Variants in KIAA2012 observed in about 807,000 individuals in gnomAD.
KIAA2012 encodes uncharacterized protein KIAA2012.
KIAA2012 carries 125 observed loss-of-function variants against 150.6 expected under a neutral mutation model. The observed-to-expected ratio is 0.83, with a 90% CI of 0.72 to 0.96. KIAA2012 has a LOEUF of 0.96. Among genes scored for constraint, KIAA2012 ranks in the 40% least tolerant of loss-of-function variants. KIAA2012 has a pLI of 0.00. For missense variants in KIAA2012, 1,219 were observed against 1,354.9 expected, an observed-to-expected ratio of 0.90 and a Z score of 1.57; for synonymous variants, 462 against 504.7, an observed-to-expected ratio of 0.92 and a Z score of 1.13.
chr2:202,130,091 A>C (rs913585487), intron 12 of KIAA2012, among the ~76,000 whole-genome samples: 3 of 152,138 alleles, frequency 2.0e-5, no homozygotes, highest in African/African-American at 7.2e-5. Context: ...AATGGCCCTA[A>C]AAAAAAGCTG....
intron 5 of KIAA2012, among the ~76,000 whole-genome samples, chr2:202,098,788 C>CTG (rs1689960690): frequency 1.9e-5 from 1 of 52,554 alleles, no homozygotes; most frequent in Admixed American, 2.7e-4. Flanking sequence ...AACTCTAAGG[C>CTG]CGTGTGTGTG....
At chr2:202,179,543 A>G (rs925211143) in intron 15 of KIAA2012, 4 of 689,934 alleles carry the variant, frequency 5.8e-6, no homozygotes, top group East Asian at 6.0e-5. Context: ...CCCAGATAAC[A>G]AAGTGCTTGT....
intron 2 of KIAA2012, among the ~76,000 whole-genome samples, chr2:202,082,064 A>G (rs1381786583): frequency 6.6e-6 from 1 of 152,130 alleles, no homozygotes; most frequent in Non-Finnish European, 1.5e-5. Context: ...GCATTTACCT[A>G]GTGATAAATG....
At chr2:202,121,091 C>A (rs1426821838) in intron 11 of KIAA2012, among the ~76,000 whole-genome samples, 1 of 152,170 alleles carries the variant, frequency 6.6e-6, no homozygotes, top group Non-Finnish European at 1.5e-5. Flanking sequence ...CCCTTCCCCT[C>A]CTCGTTCTCC....
intron 13 of KIAA2012, among the ~76,000 whole-genome samples, chr2:202,153,307 A>G (rs1691462661): frequency 6.6e-6 from 1 of 152,088 alleles, no homozygotes; most frequent in Non-Finnish European, 1.5e-5. Flanking sequence ...ATTGTGGTCA[A>G]TGGTGGGGAG....
At chr2:202,119,085 G>A (rs547419020) in intron 11 of KIAA2012, among the ~76,000 whole-genome samples, 1 of 152,214 alleles carries the variant, frequency 6.6e-6, no homozygotes, top group African/African-American at 2.4e-5. Context: ...CTGAGGTCAG[G>A]AGTTGTTGAA....
intron 4 of KIAA2012, among the ~76,000 whole-genome samples, chr2:202,096,093 C>T (rs1035484673): frequency 2.0e-5 from 3 of 151,688 alleles, no homozygotes; most frequent in Non-Finnish European, 2.9e-5. Context: ...CCCGCACCCC[C>T]CACCCAAAAA....
At chr2:202,138,285 G>C (rs1452680497) in intron 12 of KIAA2012, 147 bp from the exon 13 acceptor site, 1 of 638,464 alleles carries the variant, frequency 1.6e-6, no homozygotes, top group Non-Finnish European at 2.8e-6. Flanking sequence ...TTTTTGGTGA[G>C]TAAATTATGA....
chr2:202,198,174 CAAAAAAAAAA>C (rs1009971980), intron 22 of KIAA2012, among the ~76,000 whole-genome samples: 4 of 67,136 alleles, frequency 6.0e-5, no homozygotes, highest in African/African-American at 1.8e-4. Flanking sequence ...GGCTCTTTCT[CAAAAAAAAAA>C]AAAAAAAAAA....
chr2:202,075,268 G>A (rs1364916458), intron 2 of KIAA2012, 93 bp downstream of exon 2: 1 of 1,372,064 alleles, frequency 7.3e-7, no homozygotes, highest in Non-Finnish European at 9.7e-7. Flanking sequence ...TGGACCCGGG[G>A]AAGGTATGAA....
chr2:202,132,802 A>ATATTTTTT (rs1473790947), intron 12 of KIAA2012, among the ~76,000 whole-genome samples: 1 of 94,682 alleles, frequency 1.1e-5, no homozygotes, highest in African/African-American at 3.6e-5. Context: ...ATATATATAT[A>ATATTTTTT]TTTTTTTTTT....
chr2:202,073,657 C>A lies in KIAA2012; in HGVS notation c.30C>A (p.Gly10=). MFTLSLLSR[G]HGKLGQDKQK... ...TCACGCTCTCCCTCCTGAGCCGGGG[C>A]CACGGGAAGCTGGGCCAGGACAAAC... Residue 10 remains glycine (G), a synonymous_variant, in exon 1 of 24, where the codon GGC becomes GGA. Transcript: ENST00000498697. 1 of 1,550,350 alleles carries A rather than the reference C, an allele frequency of 6.5e-7. No individual in the cohort carries two copies. Among genetic ancestry groups the A allele is most frequent in the Non-Finnish European group, 8.7e-7 (1 of 1,146,906 alleles).
chr2:202,091,071 G>GC, intron 3 of KIAA2012, 142 bp downstream of exon 3: 1 of 1,110,356 alleles, frequency 9.0e-7, no homozygotes, highest in East Asian at 2.7e-5. Flanking sequence ...ACGCTTGGTA[G>GC]CCCACAAGCC....
At chr2:202,097,675 C>A in intron 5 of KIAA2012, 98 bp downstream of exon 5, 1 of 1,346,478 alleles carries the variant, frequency 7.4e-7, no homozygotes, top group Non-Finnish European at 1.0e-6. Context: ...CTGCAACCTC[C>A]GCCTCCTGGG....
intron 22 of KIAA2012, among the ~76,000 whole-genome samples, chr2:202,198,955 C>G (rs1218314260): frequency 6.6e-6 from 1 of 152,112 alleles, no homozygotes; most frequent in Non-Finnish European, 1.5e-5. Flanking sequence ...ATTAGGAAAG[C>G]CCTGACTCCA....
At chr2:202,198,174 CAAA>C (rs1009971980) in intron 22 of KIAA2012, among the ~76,000 whole-genome samples, 2 of 67,134 alleles carry the variant, frequency 3.0e-5, no homozygotes, top group Non-Finnish European at 2.7e-5. Context: ...GGCTCTTTCT[CAAA>C]AAAAAAAAAA....
At chr2:202,154,202 A>G (rs954779488) in intron 13 of KIAA2012, among the ~76,000 whole-genome samples, 1 of 152,268 alleles carries the variant, frequency 6.6e-6, no homozygotes, top group African/African-American at 2.4e-5. Flanking sequence ...GAATCTTGCT[A>G]TAACCATATT....
chr2:202,109,902 G>A, intron 10 of KIAA2012, 113 bp downstream of exon 10: 2 of 908,672 alleles, frequency 2.2e-6, no homozygotes, highest in Non-Finnish European at 3.2e-6. Flanking sequence ...ATTGAAAAGG[G>A]GTAATTGACA....
At chr2:202,149,759 G>A (rs1007469690) in intron 13 of KIAA2012, among the ~76,000 whole-genome samples, 3 of 152,158 alleles carry the variant, frequency 2.0e-5, no homozygotes, top group Non-Finnish European at 2.9e-5. Context: ...CAGCCACTTG[G>A]GTTTAGAATT....
Sources: allele counts gnomAD v4.1 joint callset (sites outside exome capture counted in the v4.1 genomes callset), GRCh38; gene constraint gnomAD v4.1.1; transcripts MANE v1.5; gene names NCBI Gene and HGNC (gene_info 2026-07-23, HGNC 2026-07-21).